LDLRAD4: variants seen among roughly 807,000 people sequenced by gnomAD.
LDLRAD4 encodes the protein low density lipoprotein receptor class A domain containing 4.
In LDLRAD4, 5 loss-of-function variants were observed where a neutral mutation model predicts 17.0. The observed-to-expected ratio is 0.29, with a 90% confidence interval of 0.15 to 0.62. The LOEUF is 0.62. Among genes scored for constraint, LDLRAD4 ranks in the 20% least tolerant of loss-of-function variants. The pLI, the probability that LDLRAD4 is intolerant of heterozygous loss-of-function variation, is 0.84. For synonymous variants in LDLRAD4, 168 were observed against 171.8 expected (o/e 0.98, Z 0.17); for missense variants, 340 against 424.7 (o/e 0.80, Z 1.75).
At chr18:13,599,122 G>A (rs371341106) in intron 3 of LDLRAD4, among the ~76,000 whole-genome samples, 2 of 152,198 alleles carry the variant, frequency 1.3e-5, no homozygotes, top group East Asian at 3.8e-4. Flanking sequence ...CTGCAACAGG[G>A]ACGTGCTGTG....
chr18:13,515,856 A>C (rs2093857534), intron 3 of LDLRAD4: 1 of 152,170 alleles, frequency 6.6e-6, no homozygotes, highest in African/African-American at 2.4e-5. Flanking sequence ...CCCAGGCTGG[A>C]GTGCAACCTG....
intron 3 of LDLRAD4, chr18:13,471,473 T>A (rs2092772501): frequency 6.6e-6 from 1 of 152,446 alleles, no homozygotes; most frequent in East Asian, 1.9e-4. Context: ...GCCCAGGCAC[T>A]GGTTCTCCAA....
intron 3 of LDLRAD4, among the ~76,000 whole-genome samples, chr18:13,454,022 C>T (rs1009776361): frequency 1.1e-4 from 17 of 152,276 alleles, no homozygotes; most frequent in African/African-American, 3.4e-4. Context: ...CCGGAGGCTG[C>T]GCCGTGCACA....
At chr18:13,512,903 C>A (rs1268425197) in intron 3 of LDLRAD4, among the ~76,000 whole-genome samples, 1 of 152,166 alleles carries the variant, frequency 6.6e-6, no homozygotes, top group Non-Finnish European at 1.5e-5. Flanking sequence ...ATTTTTTTGG[C>A]TTATTTTATA....
intron 1 of LDLRAD4, among the ~76,000 whole-genome samples, chr18:13,381,523 C>T (rs867363635): frequency 1.3e-5 from 2 of 152,322 alleles, no homozygotes; most frequent in Middle Eastern, 3.4e-3. Context: ...GTACCAGAAG[C>T]AGAGTGGGTC....
chr18:13,383,491 T>C (rs930778190), intron 1 of LDLRAD4, among the ~76,000 whole-genome samples: 15 of 152,176 alleles, frequency 9.9e-5, no homozygotes, highest in African/African-American at 2.9e-4. Context: ...GGGCTGAGAC[T>C]GGAAAGCTGA....
intron 3 of LDLRAD4, among the ~76,000 whole-genome samples, chr18:13,528,485 G>A (rs751264805): frequency 5.9e-4 from 90 of 152,118 alleles, no homozygotes; most frequent in South Asian, 1.0e-3. Context: ...GCTAATTTTC[G>A]TATCTGTAAT....
intron 2 of LDLRAD4, among the ~76,000 whole-genome samples, chr18:13,429,328 T>C (rs1308415982): frequency 6.6e-6 from 1 of 152,198 alleles, no homozygotes; most frequent in African/African-American, 2.4e-5. Flanking sequence ...TACAGAAAAC[T>C]TGTTTGCAGC....
intron 3 of LDLRAD4, among the ~76,000 whole-genome samples, chr18:13,605,342 G>A (rs548413946): frequency 1.2e-4 from 18 of 152,196 alleles, no homozygotes; most frequent in Non-Finnish European, 2.2e-4. Flanking sequence ...TTCAGCCTCC[G>A]GAGTAACTGG....
At chr18:13,240,193 G>A (rs2042559578) in intron 1 of LDLRAD4, 1 of 152,270 alleles carries the variant, frequency 6.6e-6, no homozygotes, top group Non-Finnish European at 1.5e-5. Context: ...GGGTCAGGGT[G>A]CTTTGAAAGA....
At chr18:13,221,778 T>G (rs922090477) in intron 1 of LDLRAD4, among the ~76,000 whole-genome samples, 1 of 152,212 alleles carries the variant, frequency 6.6e-6, no homozygotes, top group Non-Finnish European at 1.5e-5. Flanking sequence ...ACTTTGGCCT[T>G]TTAAGCTGTT....
At chr18:13,538,769 G>A (rs1444271031) in intron 3 of LDLRAD4, among the ~76,000 whole-genome samples, 1 of 152,128 alleles carries the variant, frequency 6.6e-6, no homozygotes, top group African/African-American at 2.4e-5. Flanking sequence ...CAAGTGATCT[G>A]CCCACCTTGG....
intron 1 of LDLRAD4, among the ~76,000 whole-genome samples, chr18:13,242,917 C>T (rs923702267): frequency 2.0e-5 from 3 of 152,248 alleles, no homozygotes; most frequent in East Asian, 3.8e-4. Flanking sequence ...ATCCACCTAC[C>T]CATCCACCCA....
chr18:13,257,161 C>T lies in LDLRAD4; in HGVS notation c.-466-20944C>T, dbSNP rs149346047. ...CCGGCGGGACAGACGTGCACAGCCT[C>T]GCGGCCCTGGCTCAGAAAGGCCTGA... On this transcript the variant is annotated intron_variant, in intron 1 of 5. Coordinates refer to the LDLRAD4 transcript ENST00000399848. 2.2e-4 allele frequency among the ~76,000 whole-genome samples: 34 copies of T among 152,322 alleles called. No homozygotes were observed. In the East Asian group the frequency reaches 6.0e-3, roughly 27 times the overall value.
chr18:13,280,257 G>C (rs913139498), intron 1 of LDLRAD4: 2 of 152,388 alleles, frequency 1.3e-5, no homozygotes, highest in East Asian at 3.8e-4. Context: ...CTTGGGTTGA[G>C]TTCTGGCGTG....
intron 1 of LDLRAD4, among the ~76,000 whole-genome samples, chr18:13,328,967 A>G (rs2081689010): frequency 6.6e-6 from 1 of 152,198 alleles, no homozygotes; most frequent in Non-Finnish European, 1.5e-5. Flanking sequence ...TTTCACTTAA[A>G]GTTTACCTTG....
chr18:13,324,169 G>T (rs545237423), intron 1 of LDLRAD4, among the ~76,000 whole-genome samples: 1 of 149,288 alleles, frequency 6.7e-6, no homozygotes, highest in African/African-American at 2.5e-5. Context: ...ACGGAGTCTC[G>T]CTCTGTCGCC....
At chr18:13,323,623 A>G (rs1468283558) in intron 1 of LDLRAD4, among the ~76,000 whole-genome samples, 5 of 152,244 alleles carry the variant, frequency 3.3e-5, no homozygotes, top group Admixed American at 3.3e-4. Context: ...ATGTAATATT[A>G]AAAGTATGGA....
At chr18:13,381,634 C>T (rs1568075972) in intron 1 of LDLRAD4, among the ~76,000 whole-genome samples, 1 of 152,222 alleles carries the variant, frequency 6.6e-6, no homozygotes, top group Non-Finnish European at 1.5e-5. Flanking sequence ...TTGAGACTGA[C>T]TGGCCGTTGC....
Sources: gnomAD v4.1 joint callset for allele counts (sites outside exome capture counted in the v4.1 genomes callset) on GRCh38, gnomAD v4.1.1 for gene constraint, MANE v1.5 for transcripts, NCBI Gene and HGNC (gene_info 2026-07-23, HGNC 2026-07-21) for gene names.